HTR7: variants seen among roughly 807,000 people sequenced by gnomAD.
HTR7 encodes 5-hydroxytryptamine receptor 7.
HTR7 carries 16 observed loss-of-function variants against 34.0 expected under a neutral mutation model. That is an observed-to-expected ratio of 0.47 (90% confidence interval 0.32 to 0.71). HTR7 has a LOEUF of 0.71. Ranked by LOEUF, HTR7 falls within the 30% of genes least tolerant of loss-of-function variation. HTR7 has a pLI of 0.04. For synonymous variants in HTR7, 265 were observed against 260.2 expected (o/e 1.02, Z -0.18); for missense variants, 504 against 625.5 (o/e 0.81, Z 2.07).
chr10:90,811,487 T>G (rs898898400), intron 1 of HTR7, among the ~76,000 whole-genome samples: 5 of 152,122 alleles, frequency 3.3e-5, no homozygotes, highest in Admixed American at 2.0e-4. Flanking sequence ...CACACTTAGT[T>G]TATTGATGGC....
In HTR7 at chr10:90,837,968, G is replaced by A. The variant is rs529569106; in HGVS notation, c.539+19165C>T. On this transcript the variant is annotated intron_variant, in intron 1 of 3. Coordinates refer to ENST00000336152, the MANE Select transcript of HTR7 (RefSeq NM_019859.4). Reference sequence around the variant, plus strand: ...TTCCATGACAGGTGTTCCTCATATCGCACTGACTAACCATCCCTTTTTAAG... The same window carrying A: ...TTCCATGACAGGTGTTCCTCATATCACACTGACTAACCATCCCTTTTTAAG... 1.9e-4 allele frequency among the ~76,000 whole-genome samples: 29 copies of A among 152,038 alleles called. 1 individual carries two copies. The highest frequency in any genetic ancestry group is 5.8e-4 in the African/African-American group (24 of 41,444).
intron 1 of HTR7, among the ~76,000 whole-genome samples, chr10:90,807,493 TG>T (rs1351537520): frequency 6.6e-6 from 1 of 152,204 alleles, no homozygotes; most frequent in Non-Finnish European, 1.5e-5. Flanking sequence ...TTCCTTTTCC[TG>T]GCTCATCCTG....
intron 1 of HTR7, among the ~76,000 whole-genome samples, chr10:90,812,676 C>T (rs1259947915): frequency 1.3e-5 from 2 of 152,196 alleles, no homozygotes; most frequent in African/African-American, 2.4e-5. Flanking sequence ...CCAAGCCACC[C>T]CAATCCTGCT....
At chr10:90,803,755 G>T (rs1023969264) in intron 1 of HTR7, among the ~76,000 whole-genome samples, 2 of 152,162 alleles carry the variant, frequency 1.3e-5, no homozygotes, top group Non-Finnish European at 2.9e-5. Flanking sequence ...TGGATCTTAA[G>T]AGGACTGCTT....
intron 1 of HTR7, among the ~76,000 whole-genome samples, chr10:90,800,710 C>T (rs1002517126): frequency 1.3e-5 from 2 of 152,158 alleles, no homozygotes; most frequent in Admixed American, 6.5e-5. Flanking sequence ...TAAACTCTCA[C>T]AAGTATGTAA....
intron 1 of HTR7, among the ~76,000 whole-genome samples, chr10:90,756,239 T>G (rs904847712): frequency 6.6e-6 from 1 of 152,222 alleles, no homozygotes; most frequent in African/African-American, 2.4e-5. Flanking sequence ...AGCTTGGAGT[T>G]CTGAAAATGT....
intron 1 of HTR7, among the ~76,000 whole-genome samples, chr10:90,788,913 C>A (rs923503361): frequency 2.6e-5 from 4 of 152,122 alleles, no homozygotes; most frequent in African/African-American, 9.7e-5. Flanking sequence ...GCCTAGCAAA[C>A]TCCTATTTAT....
chr10:90,822,643 A>G (rs1321677265), intron 1 of HTR7, among the ~76,000 whole-genome samples: 2 of 152,268 alleles, frequency 1.3e-5, no homozygotes, highest in African/African-American at 4.8e-5. Flanking sequence ...TAAGTAAAGA[A>G]GAGCCTGATG....
chr10:90,784,508 G>A (rs1429175120), intron 1 of HTR7, among the ~76,000 whole-genome samples: 2 of 152,064 alleles, frequency 1.3e-5, no homozygotes, highest in Non-Finnish European at 2.9e-5. Context: ...CAGCACATAG[G>A]TCATCCTCAA....
chr10:90,779,501 G>A (rs1196903248), intron 1 of HTR7, among the ~76,000 whole-genome samples: 1 of 152,100 alleles, frequency 6.6e-6, no homozygotes, highest in Non-Finnish European at 1.5e-5. Flanking sequence ...AAGAAGCTAG[G>A]TTATGGGCTG....
intron 1 of HTR7, among the ~76,000 whole-genome samples, chr10:90,803,204 A>C (rs753515874): frequency 6.6e-5 from 10 of 152,030 alleles, no homozygotes; most frequent in African/African-American, 1.9e-4. Flanking sequence ...AAAGGAAGTA[A>C]AGTACACTTG....
intron 1 of HTR7, among the ~76,000 whole-genome samples, chr10:90,831,048 G>T (rs117374814): frequency 2.9e-3 from 434 of 151,628 alleles, no homozygotes; most frequent in Admixed American, 8.0e-3. Context: ...AAAATGTGAA[G>T]GTTGTACTAC....
chr10:90,803,625 GGA>G (rs1258976031), intron 1 of HTR7, among the ~76,000 whole-genome samples: 9 of 152,114 alleles, frequency 5.9e-5, no homozygotes, highest in Non-Finnish European at 1.2e-4. Flanking sequence ...TTATTATTTT[GGA>G]GAGAGAGTTA....
At chr10:90,791,617 C>A (rs1040636693) in intron 1 of HTR7, among the ~76,000 whole-genome samples, 2 of 151,954 alleles carry the variant, frequency 1.3e-5, no homozygotes, top group African/African-American at 4.8e-5. Flanking sequence ...ATGTCATAGC[C>A]CCCAAAATTG....
intron 1 of HTR7, among the ~76,000 whole-genome samples, chr10:90,795,943 T>C (rs185667864): frequency 2.4e-4 from 36 of 152,312 alleles, no homozygotes; most frequent in South Asian, 1.5e-3. Flanking sequence ...GTCTGGGTTA[T>C]CATAAGGAGT....
rs779787523 is a variant in HTR7, at chr10:90,749,546, C to T, written c.588G>A (p.Gly196=). The T allele has an allele frequency of 6.2e-7, 1 of 1,613,852 alleles. No homozygotes were observed. ...RPLTYPVRQN[G]KCMAKMILSV... is the part of the protein sequence containing the mutation. ...AGAGAATCATCTTCGCCATGCATTTCCCATTCTGCCTCACAGGGTATGTGA... is the reference window on the plus strand; with the variant it reads ...AGAGAATCATCTTCGCCATGCATTTTCCATTCTGCCTCACAGGGTATGTGA... The change falls in exon 2 of 4, where the codon GGG becomes GGA. Residue 196 remains glycine, a synonymous_variant. Coordinates refer to ENST00000336152, the MANE Select transcript of HTR7 (RefSeq NM_019859.4). The surrounding 1 kb of genome is among the most constrained non-coding windows in gnomAD (Gnocchi z 4.2).
rs114483171 is a variant in HTR7 at position 90,796,648 on chromosome 10, G to A, written c.540-47054C>T. ...GATCACTTGAGCCTAGGAGTTTGAG[G>A]TTACAGTGAGCTATGATTGTGCCAC... On this transcript the variant is annotated intron_variant, in intron 1 of 3. Coordinates refer to ENST00000336152, the MANE Select transcript of HTR7 (RefSeq NM_019859.4). Among the ~76,000 whole-genome samples the A allele has an allele frequency of 2.4e-3, 358 of 152,186 alleles. 1 individual carries two copies. Among genetic ancestry groups the A allele is most frequent in the African/African-American group, 8.3e-3 (344 of 41,536 alleles).
intron 1 of HTR7, among the ~76,000 whole-genome samples, chr10:90,754,143 A>G (rs955094972): frequency 2.0e-5 from 3 of 152,140 alleles, no homozygotes; most frequent in Non-Finnish European, 2.9e-5. Flanking sequence ...GGCAATAGAA[A>G]CAATCTGGTT....
intron 1 of HTR7, among the ~76,000 whole-genome samples, chr10:90,782,498 A>G (rs1385361855): frequency 6.6e-6 from 1 of 152,152 alleles, no homozygotes. Flanking sequence ...ATCTCTTCAA[A>G]ACATCTTTGG....
Sources: gnomAD v4.1 joint callset for allele counts (sites outside exome capture counted in the v4.1 genomes callset) on GRCh38, gnomAD v4.1.1 for gene constraint, Gnocchi (gnomAD v3.1) non-coding constraint, MANE v1.5 for transcripts, NCBI Gene and HGNC (gene_info 2026-07-23, HGNC 2026-07-21) for gene names.